The following NALF1 variants were observed in gnomAD, a reference collection of about 807,000 sequenced individuals.
NALF1 encodes the protein NALCN channel auxiliary factor 1, also known as family with sequence similarity 155 member A.
NALF1 carries 3 observed loss-of-function variants against 48.4 expected under a neutral mutation model. That is an observed-to-expected ratio of 0.06 (90% CI 0.03 to 0.16). NALF1 has a LOEUF of 0.16. NALF1 is among the 10% of genes least tolerant of loss of function. The pLI is 1.00. For synonymous variants in NALF1, 262 were observed against 245.7 expected, an observed-to-expected ratio of 1.07 and a Z score of -0.62; for missense variants, 526 against 571.5, an observed-to-expected ratio of 0.92 and a Z score of 0.81.
intron 1 of NALF1, among the ~76,000 whole-genome samples, chr13:107,338,385 G>A (rs1017634959): frequency 7.3e-5 from 11 of 151,048 alleles, no homozygotes; most frequent in African/African-American, 2.7e-4. Context: ...TAGCAACAAT[G>A]TGATTTTAGG....
At position 107,589,276 on chromosome 13, in the gene NALF1, C is replaced by T. The variant is rs77705775; in HGVS notation, c.915+276406G>A. The stretch of plus-strand genomic sequence containing the variant: ...AAATCTGAATGTACTACTTTCATCA[C>T]CGTTAAAATCTTGGATGTTCTTCGG... On this transcript the variant is annotated intron_variant, in intron 1 of 2. Transcript: ENST00000375915. Among the ~76,000 whole-genome samples the T allele has an allele frequency of 6.0e-3, 908 of 152,092 alleles. 6 individuals are homozygous for T. The highest frequency in any genetic ancestry group is 7.9e-3 in the Non-Finnish European group (537 of 67,962).
chr13:107,785,552 G>A (rs1355404249), intron 1 of NALF1, among the ~76,000 whole-genome samples: 1 of 152,094 alleles, frequency 6.6e-6, no homozygotes, highest in African/African-American at 2.4e-5. Flanking sequence ...TGCGGGGAAG[G>A]GTGAGAGAGG....
At chr13:107,231,406 G>C (rs1880222336) in intron 1 of NALF1, among the ~76,000 whole-genome samples, 1 of 152,086 alleles carries the variant, frequency 6.6e-6, no homozygotes, top group Non-Finnish European at 1.5e-5. Context: ...TCAGATCGTG[G>C]TTCTCTTCAT....
At chr13:107,815,997 T>C (rs1336103051) in intron 1 of NALF1, among the ~76,000 whole-genome samples, 1 of 151,956 alleles carries the variant, frequency 6.6e-6, no homozygotes, top group African/African-American at 2.4e-5. Context: ...AAATGGGGAG[T>C]GGCTGCTAAT....
chr13:107,685,404 AGGTAG>A (rs1881411122), intron 1 of NALF1, among the ~76,000 whole-genome samples: 1 of 152,326 alleles, frequency 6.6e-6, no homozygotes, highest in Non-Finnish European at 1.5e-5. Flanking sequence ...ATACTACCAA[AGGTAG>A]GGTAGGGGAA....
Position 107,865,869 on chromosome 13 carries a change from G to C in NALF1, c.728C>G (p.Thr243Ser). The change falls in exon 1 of 3, where the codon ACT becomes AGT. Residue 243 changes from threonine (T) to serine (S), a missense_variant. Transcript: ENST00000375915. ...ELFSGLSSPN[T>S]LNCSLDVVLK... ...CACCACATCCAGACTGCAGTTCAAA[G>C]TGTTGGGACTGGACAACCCCGAGAA... 1.9e-6 allele frequency: 3 copies of C among 1,614,112 alleles called. No individual in the cohort carries two copies. The highest frequency in any genetic ancestry group is 2.2e-5 in the East Asian group (1 of 44,844).
intron 1 of NALF1, among the ~76,000 whole-genome samples, chr13:107,864,002 A>T (rs1880645538): frequency 6.6e-6 from 1 of 152,148 alleles, no homozygotes; most frequent in Non-Finnish European, 1.5e-5. Flanking sequence ...AACACAACTA[A>T]ACTGAACCCT....
chr13:107,408,223 G>C (rs1186189662), intron 1 of NALF1, among the ~76,000 whole-genome samples: 1 of 151,918 alleles, frequency 6.6e-6, no homozygotes, highest in African/African-American at 2.4e-5. Context: ...GGTGATTATA[G>C]TGAAAAATAA....
intron 1 of NALF1, among the ~76,000 whole-genome samples, chr13:107,581,035 C>A (rs149133371): frequency 1.3e-5 from 2 of 152,154 alleles, no homozygotes; most frequent in South Asian, 2.1e-4. Context: ...ATAAGAGCAA[C>A]GTAAAAGGCT....
At chr13:107,633,056 T>C (rs1269108941) in intron 1 of NALF1, among the ~76,000 whole-genome samples, 1 of 152,142 alleles carries the variant, frequency 6.6e-6, no homozygotes, top group Non-Finnish European at 1.5e-5. Flanking sequence ...CTGGTGATCT[T>C]AAATTCATGC....
intron 1 of NALF1, among the ~76,000 whole-genome samples, chr13:107,629,669 A>T (rs569832732): frequency 6.6e-6 from 1 of 152,026 alleles, no homozygotes; most frequent in Non-Finnish European, 1.5e-5. Context: ...CCTTCTCGAT[A>T]ACTCCTTTTT....
chr13:107,724,988 T>A (rs933381116), intron 1 of NALF1, among the ~76,000 whole-genome samples: 2 of 152,240 alleles, frequency 1.3e-5, no homozygotes, highest in Non-Finnish European at 2.9e-5. Flanking sequence ...GAACTCACTC[T>A]TAAGAAGTTA....
chr13:107,778,086 C>T (rs558363893), intron 1 of NALF1, among the ~76,000 whole-genome samples: 6 of 152,270 alleles, frequency 3.9e-5, no homozygotes, highest in African/African-American at 7.2e-5. Flanking sequence ...CCAAATCCTG[C>T]GATGAGGGAG....
intron 1 of NALF1, among the ~76,000 whole-genome samples, chr13:107,437,008 T>C: frequency 6.6e-6 from 1 of 152,050 alleles, no homozygotes; most frequent in South Asian, 2.1e-4. Flanking sequence ...ATAAGTGGTA[T>C]CCGGGACATA....
rs200133690 is a variant in NALF1, at chr13:107,279,043, C to CTTT, written c.916-68291_916-68289dup. On this transcript the variant is annotated intron_variant, in intron 1 of 2. Transcript: ENST00000375915. ...GTCTTTCCTTTTCTTTTCTTTTCTT[C>CTTT]TTTTTTTTTTTTTTTTTTGCACAAA... Among the ~76,000 whole-genome samples, 628 of 122,904 alleles carry CTTT rather than the reference C, an allele frequency of 5.1e-3. 13 individuals carry two copies. Among genetic ancestry groups the CTTT allele is most frequent in the African/African-American group, 0.013 (439 of 32,782 alleles). 80.6% of individuals were successfully genotyped at this position (122,904 alleles called of 152,430 possible).
At chr13:107,418,317 C>T (rs1318582826) in intron 1 of NALF1, among the ~76,000 whole-genome samples, 7 of 152,208 alleles carry the variant, frequency 4.6e-5, no homozygotes. Flanking sequence ...GGATCACTTA[C>T]TGCCTTAGTT....
At chr13:107,766,007 C>T (rs569547695) in intron 1 of NALF1, among the ~76,000 whole-genome samples, 191 of 118,588 alleles carry the variant, frequency 1.6e-3, no homozygotes, top group African/African-American at 3.9e-3. Flanking sequence ...GTTTCTGTTC[C>T]TTTGTTCACG....
chr13:107,741,833 A>G (rs943176419), intron 1 of NALF1, among the ~76,000 whole-genome samples: 2 of 152,224 alleles, frequency 1.3e-5, no homozygotes, highest in African/African-American at 4.8e-5. Context: ...AAAATGGGTT[A>G]TTCTCTAGTT....
intron 1 of NALF1, among the ~76,000 whole-genome samples, chr13:107,355,216 G>A (rs568964376): frequency 1.2e-4 from 18 of 152,206 alleles, no homozygotes; most frequent in African/African-American, 3.6e-4. Context: ...AAACCCCAAC[G>A]TTACAATTTG....
Sources: gnomAD v4.1 joint callset for allele counts (sites outside exome capture counted in the v4.1 genomes callset) on GRCh38, gnomAD v4.1.1 for gene constraint, MANE v1.5 for transcripts, NCBI Gene and HGNC (gene_info 2026-07-23, HGNC 2026-07-21) for gene names.